The following MRPL12 variants were observed in gnomAD, a reference collection of about 807,000 sequenced individuals.
MRPL12 encodes mitochondrial ribosomal protein L12.
Under a neutral mutation model 21.1 loss-of-function variants are expected in MRPL12, and 13 were observed. That is an observed-to-expected ratio of 0.62 (90% CI 0.40 to 0.98). The LOEUF is 0.98. Among genes scored for constraint, MRPL12 ranks in the 50% least tolerant of loss-of-function variants. MRPL12 has a pLI of 0.00. For synonymous variants in MRPL12, 126 were observed against 115.3 expected (o/e 1.09, Z -0.60); for missense variants, 251 against 268.6 (o/e 0.93, Z 0.46).
At position 81,704,287 on chromosome 17, in the gene MRPL12, A is replaced by G. The variant is rs770416482; in HGVS notation, c.118A>G (p.Ser40Gly). The change falls in exon 2 of 5, where the codon AGC (serine) becomes GGC (glycine). Residue 40 changes from serine to glycine, a missense_variant. Physicochemically the swap from Ser to Gly is moderately conservative, Grantham distance 56. Coordinates refer to ENST00000333676, the MANE Select transcript of MRPL12 (RefSeq NM_002949.4). The stretch of plus-strand genomic sequence containing the variant: ...CTGTGCCGTGCGACATATGAGGAGC[A>G]GCGGCCATCAGAGGTGTGAGGCCCT... ...CVCAVRHMRS[S>G]GHQRCEALAG... 1.7e-5 allele frequency: 27 copies of G among 1,613,008 alleles called. No individual in the cohort carries two copies. The highest frequency in any genetic ancestry group is 2.2e-5 in the Non-Finnish European group (26 of 1,179,818).
intron 3 of MRPL12, 123 bp from the exon 4 acceptor site, chr17:81,706,783 G>A: frequency 8.3e-7 from 1 of 1,198,058 alleles, no homozygotes; most frequent in Non-Finnish European, 1.2e-6. Context: ...TCCAACTCCA[G>A]GCTTCGCTGG....
intron 3 of MRPL12, among the ~76,000 whole-genome samples, chr17:81,706,496 C>T (rs1354768504): frequency 6.6e-6 from 1 of 152,028 alleles, no homozygotes; most frequent in Non-Finnish European, 1.5e-5. Flanking sequence ...GGATGACAGG[C>T]GTGAGCCACC....
chr17:81,706,372 G>A (rs996070141), intron 3 of MRPL12, among the ~76,000 whole-genome samples: 4 of 151,924 alleles, frequency 2.6e-5, no homozygotes, highest in South Asian at 2.1e-4. Context: ...GCAGCCTCCC[G>A]AGTAGCTGGG....
At chr17:81,703,811 T>C (rs1343989607) in intron 1 of MRPL12, among the ~76,000 whole-genome samples, 1 of 152,146 alleles carries the variant, frequency 6.6e-6, no homozygotes, top group Admixed American at 6.5e-5. Flanking sequence ...GATTCCCTGC[T>C]CCTCCCTTGG....
Position 81,707,225 on chromosome 17 carries a change from C to A in MRPL12, c.582C>A (p.Thr194=). The change falls in exon 5 of 5, where the codon ACC becomes ACA. Residue 194 remains threonine, a synonymous_variant. Transcript: ENST00000333676. The stretch of plus-strand genomic sequence containing the variant: ...CGGCCCTGGAGGCGGTGGGCGGCAC[C>A]GTGGTTCTGGAGTAGCCTCCAGCTC... The part of the protein sequence containing the change: ...IKAALEAVGG[T]VVLE 6.3e-7 allele frequency: 1 copy of A among 1,599,346 alleles called. No individual in the cohort carries two copies. The highest frequency in any genetic ancestry group is 8.5e-7 in the Non-Finnish European group (1 of 1,171,938).
intron 3 of MRPL12, among the ~76,000 whole-genome samples, chr17:81,705,389 CA>C (rs758967615): frequency 0.094 from 5,964 of 63,182 alleles, 180 homozygotes; most frequent in African/African-American, 0.25. Context: ...GACCCTGTCT[CA>C]AAAAAAAAAA....
chr17:81,706,929 A>G lies in MRPL12; in HGVS notation c.369A>G (p.Ile123Met). Reference sequence around the variant, plus strand: ...AGGCGGTGGAAGAAGATATCCCCATAGCGAAAGAACGGACACATTTCACCG... The same window carrying G: ...AGGCGGTGGAAGAAGATATCCCCATGGCGAAAGAACGGACACATTTCACCG... ...AQEAVEEDIPIAKERTHFTVR... is the reference protein window; with the variant it reads ...AQEAVEEDIPMAKERTHFTVR... Residue 123 changes from isoleucine (I) to methionine (M), a missense_variant, in exon 4 of 5, where the codon ATA becomes ATG. Ile to Met is a conservative substitution (Grantham distance 10). Coordinates refer to ENST00000333676, the MANE Select transcript of MRPL12 (RefSeq NM_002949.4). The G allele has an allele frequency of 6.2e-7, 1 of 1,613,978 alleles. No individual in the cohort carries two copies. The highest frequency in any genetic ancestry group is 8.5e-7 in the Non-Finnish European group (1 of 1,180,026).
intron 3 of MRPL12, among the ~76,000 whole-genome samples, chr17:81,706,166 C>T (rs1598755275): frequency 6.6e-6 from 1 of 152,306 alleles, no homozygotes; most frequent in East Asian, 1.9e-4. Flanking sequence ...CTTTTATCTA[C>T]AAAGCACTTT....
In MRPL12 at chr17:81,707,176, A is replaced by G. The variant is rs1175404736; in HGVS notation, c.533A>G (p.Lys178Arg). ...LPQEIKANVA[K>R]AEAEKIKAAL... ...CAGGAAATCAAAGCCAATGTCGCCAAAGCTGAGGCGGAGAAGATCAAGGCG... is the reference window on the plus strand; with the variant it reads ...CAGGAAATCAAAGCCAATGTCGCCAGAGCTGAGGCGGAGAAGATCAAGGCG... Residue 178 changes from lysine to arginine, a missense_variant, in exon 5 of 5, where the codon AAA becomes AGA. Transcript: ENST00000333676. The G allele has an allele frequency of 2.5e-6, 4 of 1,613,820 alleles. No homozygotes were observed. The highest frequency in any genetic ancestry group is 4.5e-5 in the East Asian group (2 of 44,892).
In MRPL12 at chr17:81,703,690, G is replaced by T. The variant is rs62077187; in HGVS notation, c.74+115G>T. On this transcript the variant is annotated intron_variant, in intron 1 of 4. Coordinates refer to ENST00000333676, the MANE Select transcript of MRPL12 (RefSeq NM_002949.4). ...GGGCCGGCCTCCCTGCAGCGGCCAGGCCGGGCTTGGGGGTCCCATCGGGGG... is the reference window on the plus strand; with the variant it reads ...GGGCCGGCCTCCCTGCAGCGGCCAGTCCGGGCTTGGGGGTCCCATCGGGGG... 5,842 of 1,025,684 alleles carry T rather than the reference G, an allele frequency of 5.7e-3. 43 individuals are homozygous for T. The highest frequency in any genetic ancestry group is 9.3e-3 in the Middle Eastern group (27 of 2,890). The allele number at this position is 1,025,684 out of a possible 1,614,324, so 63.5% of individuals were successfully genotyped here.
At position 81,704,644 on chromosome 17, in the gene MRPL12, G is replaced by A. The variant is rs754148179; in HGVS notation, c.273G>A (p.Lys91=). The A allele has an allele frequency of 1.9e-6, 3 of 1,613,846 alleles. No homozygotes were observed. Among genetic ancestry groups the A allele is most frequent in the Non-Finnish European group, 2.5e-6 (3 of 1,180,014 alleles). ...CTCTATCTCTGCAGAAAACGTTGAA[G>A]ATCCAGGATGTCGGGCTTGTGCCGA... The part of the protein sequence containing the change: ...DLNELLKKTL[K]IQDVGLVPMG... Residue 91 remains lysine (K), a synonymous_variant, in exon 3 of 5, where the codon AAG becomes AAA. Transcript: ENST00000333676.
intron 3 of MRPL12, among the ~76,000 whole-genome samples, chr17:81,705,249 G>A (rs1350629616): frequency 3.3e-5 from 5 of 151,036 alleles, no homozygotes; most frequent in East Asian, 1.9e-4. Context: ...AAAATTAGCC[G>A]GCGTGGTGGC....
At chr17:81,706,709 A>G (rs1273007945) in intron 3 of MRPL12, among the ~76,000 whole-genome samples, 197 bp from the exon 4 acceptor site, 1 of 152,178 alleles carries the variant, frequency 6.6e-6, no homozygotes, top group African/African-American at 2.4e-5. Flanking sequence ...CCGTCTCAAA[A>G]AAAAGAGAAA....
chr17:81,704,529 T>G, intron 2 of MRPL12, 99 bp downstream of exon 2: 2 of 1,578,586 alleles, frequency 1.3e-6, no homozygotes, highest in Non-Finnish European at 1.7e-6. Context: ...TTGTCAAAAG[T>G]GTGTTTGTCC....
In MRPL12 at chr17:81,707,042, T is replaced by A; in HGVS notation, c.480+2T>A. ...ATCCAAGGCATCAACCTCGTCCAGG[T>A]CTGTGCCGCGGTGGGGGTTCCGAGG... On this transcript the variant is annotated splice_donor_variant, in intron 4 of 4. Coordinates refer to ENST00000333676, the MANE Select transcript of MRPL12 (RefSeq NM_002949.4). LOFTEE classifies it high-confidence loss of function. The A allele has an allele frequency of 6.2e-7, 1 of 1,614,062 alleles. No individual in the cohort carries two copies. The highest frequency in any genetic ancestry group is 8.5e-7 in the Non-Finnish European group (1 of 1,180,026).
intron 3 of MRPL12, among the ~76,000 whole-genome samples, chr17:81,705,293 A>G (rs1327544424): frequency 6.7e-6 from 1 of 148,504 alleles, no homozygotes; most frequent in African/African-American, 2.5e-5. Flanking sequence ...TGGGAGGCTG[A>G]GGCAAGAGAA....
Position 81,707,285 on chromosome 17 carries a change from C to T in MRPL12, c.*45C>T, listed in dbSNP as rs765254812. The T allele has an allele frequency of 4.1e-5, 62 of 1,507,300 alleles. 1 individual carries two copies. The highest frequency in any genetic ancestry group is 9.1e-5 in the South Asian group (7 of 76,542). The allele number at this position is 1,507,300 out of a possible 1,614,324, so 93.4% of individuals were successfully genotyped here. A position where few individuals can be genotyped will look rare whatever the true frequency, so the allele number is the denominator to read the frequency against. On this transcript the variant is annotated 3_prime_UTR_variant, in exon 5 of 5. Transcript: ENST00000333676. ...GTGTTCAGGGGTCCTGGGCCCCGGG[C>T]GAGGTCCCGCCCTCCCGTGGTCACT... is the stretch of plus-strand genomic sequence containing the variant.
intron 3 of MRPL12, 146 bp from the exon 4 acceptor site, chr17:81,706,760 G>C: frequency 1.2e-6 from 1 of 831,258 alleles, no homozygotes; most frequent in East Asian, 2.7e-5. Context: ...TTGATGAGTT[G>C]GGAGACGTGA....
At chr17:81,703,879 G>C (rs544010659) in intron 1 of MRPL12, among the ~76,000 whole-genome samples, 9 of 152,248 alleles carry the variant, frequency 5.9e-5, no homozygotes, top group Non-Finnish European at 1.0e-4. Flanking sequence ...GCGGCCAGGG[G>C]CCCCCATGTT....
Sources: allele counts gnomAD v4.1 joint callset (sites outside exome capture counted in the v4.1 genomes callset), GRCh38; gene constraint gnomAD v4.1.1; transcripts MANE v1.5; gene names NCBI Gene and HGNC (gene_info 2026-07-23, HGNC 2026-07-21).